Variants in ADGRL3 observed in about 807,000 individuals in gnomAD.
ADGRL3 encodes the protein adhesion G protein-coupled receptor L3, also known as calcium-independent alpha-latrotoxin receptor 3.
Under a neutral mutation model 153.5 loss-of-function variants are expected in ADGRL3, and 62 were observed. The observed-to-expected ratio is 0.40, with a 90% CI of 0.33 to 0.50. The LOEUF is 0.50. Among genes scored for constraint, ADGRL3 ranks in the 20% least tolerant of loss-of-function variants. The probability of loss-of-function intolerance (pLI) is 0.47; values close to 1 mark genes in which losing one functional copy is unlikely to be tolerated. For synonymous variants in ADGRL3, 710 were observed against 672.5 expected, an observed-to-expected ratio of 1.06 and a Z score of -0.86; for missense variants, 1,641 against 1,859.4, an observed-to-expected ratio of 0.88 and a Z score of 2.16.
rs1373201160 is a variant in ADGRL3 at position 61,200,408 on chromosome 4, T to G, written c.-1597T>G. ...CCCGCGCGCCCGCGCTCTGACCCGC[T>G]GTCTGCGCGTCGCCCCCCTCGCCTG... is the stretch of plus-strand genomic sequence containing the variant. On this transcript the variant is annotated 5_prime_UTR_variant, in exon 1 of 27. Coordinates refer to ENST00000683033, the MANE Select transcript of ADGRL3 (RefSeq NM_001387552.1). 1.3e-5 allele frequency among the ~76,000 whole-genome samples: 2 copies of G among 151,640 alleles called. No individual in the cohort carries two copies. The highest frequency in any genetic ancestry group is 4.8e-5 in the African/African-American group (2 of 41,308).
intron 8 of ADGRL3, among the ~76,000 whole-genome samples, chr4:61,764,438 GCA>G (rs1441151474): frequency 0.06 from 8,746 of 145,990 alleles, 769 homozygotes; most frequent in African/African-American, 0.17. Context: ...TGCTCAGTGG[GCA>G]GGAGTGGGGG....
At chr4:61,239,522 C>A (rs1754129032) in intron 1 of ADGRL3, among the ~76,000 whole-genome samples, 1 of 151,966 alleles carries the variant, frequency 6.6e-6, no homozygotes, top group Admixed American at 6.6e-5. Flanking sequence ...CAGGAGACAA[C>A]AAACAGAACA....
At position 61,472,739 on chromosome 4, in the gene ADGRL3, CAAAG is replaced by C. The variant is rs112307386; in HGVS notation, c.-173-24377_-173-24374del. ...GCAGAAGTAATAGAAAGATCTATTT[CAAAG>C]AAAGTCTTGATAAACTTTGGAGAGA... On this transcript the variant is annotated intron_variant, in intron 2 of 26. Transcript: ENST00000683033. Among the ~76,000 whole-genome samples, 63 of 152,092 alleles carry C rather than the reference CAAAG, an allele frequency of 4.1e-4. 1 individual carries two copies. The highest frequency in any genetic ancestry group is 1.5e-3 in the African/African-American group (62 of 41,536).
intron 3 of ADGRL3, among the ~76,000 whole-genome samples, chr4:61,497,660 C>G (rs1176803689): frequency 6.7e-6 from 1 of 149,544 alleles, no homozygotes; most frequent in Non-Finnish European, 1.5e-5. Context: ...GGACTACAGG[C>G]GCCCACCACC....
At chr4:61,269,594 T>G (rs1003487352) in intron 1 of ADGRL3, among the ~76,000 whole-genome samples, 1 of 151,708 alleles carries the variant, frequency 6.6e-6, no homozygotes, top group African/African-American at 2.4e-5. Flanking sequence ...AAAACTCTAT[T>G]TTGCTTTGCA....
Position 61,316,542 on chromosome 4 carries a change from A to C in ADGRL3, c.-239-66582A>C, listed in dbSNP as rs563332814. 4.0e-4 allele frequency among the ~76,000 whole-genome samples: 61 copies of C among 152,352 alleles called. No individual in the cohort carries two copies. The East Asian group carries it at 4.0e-3, about 10-fold the overall frequency. ...TTCTTCTGGTGAATTGTAAGAAGGA[A>C]GAATGACGTATCTTGTTTACACCGT... On this transcript the variant is annotated intron_variant, in intron 1 of 26. Coordinates refer to ENST00000683033, the MANE Select transcript of ADGRL3 (RefSeq NM_001387552.1).
chr4:61,361,463 A>C (rs1157990953), intron 1 of ADGRL3, among the ~76,000 whole-genome samples: 1 of 152,174 alleles, frequency 6.6e-6, no homozygotes. Flanking sequence ...GAGTAAAATG[A>C]AGTACTTTAA....
chr4:61,750,182 T>TA (rs60768535), intron 8 of ADGRL3, among the ~76,000 whole-genome samples: 105 of 94,606 alleles, frequency 1.1e-3, no homozygotes, highest in Non-Finnish European at 1.4e-3. Flanking sequence ...AGGGGATGGT[T>TA]AAAAAAAAAA....
intron 1 of ADGRL3, among the ~76,000 whole-genome samples, chr4:61,280,420 A>AGAC (rs72605847): frequency 6.6e-6 from 1 of 150,960 alleles, no homozygotes; most frequent in Non-Finnish European, 1.5e-5. Flanking sequence ...ATTTTCAAGA[A>AGAC]GTATAAATTA....
At chr4:61,460,470 C>A (rs1275885916) in intron 2 of ADGRL3, among the ~76,000 whole-genome samples, 2 of 151,632 alleles carry the variant, frequency 1.3e-5, no homozygotes, top group Non-Finnish European at 2.9e-5. Flanking sequence ...ATCACATTTT[C>A]ACTGACATGT....
intron 6 of ADGRL3, among the ~76,000 whole-genome samples, chr4:61,700,580 A>G (rs1435368199): frequency 6.6e-6 from 1 of 152,162 alleles, no homozygotes; most frequent in East Asian, 1.9e-4. Flanking sequence ...TGATGGTAAT[A>G]GGAACAAATG....
intron 1 of ADGRL3, among the ~76,000 whole-genome samples, chr4:61,338,213 G>C (rs189581602): frequency 6.6e-6 from 1 of 151,834 alleles, no homozygotes; most frequent in African/African-American, 2.4e-5. Flanking sequence ...AGAAGCTGTA[G>C]TGAGCTGAGA....
At chr4:62,010,797 T>G (rs1010634304) in intron 21 of ADGRL3, among the ~76,000 whole-genome samples, 11 of 152,134 alleles carry the variant, frequency 7.2e-5, no homozygotes, top group Admixed American at 5.9e-4. Context: ...TTTATATCAT[T>G]AAAATATTAG....
intron 5 of ADGRL3, among the ~76,000 whole-genome samples, chr4:61,660,985 A>G (rs921671093): frequency 6.6e-6 from 1 of 152,108 alleles, no homozygotes; most frequent in Non-Finnish European, 1.5e-5. Context: ...TCTTAGATTC[A>G]GTAACCCATC....
intron 1 of ADGRL3, among the ~76,000 whole-genome samples, chr4:61,321,318 G>C (rs114467841): frequency 6.6e-6 from 1 of 151,952 alleles, no homozygotes; most frequent in South Asian, 2.1e-4. Context: ...TAGTCCCAGC[G>C]TTTCCTCTTA....
At chr4:61,322,804 A>C (rs2095387413) in intron 1 of ADGRL3, among the ~76,000 whole-genome samples, 1 of 152,202 alleles carries the variant, frequency 6.6e-6, no homozygotes, top group South Asian at 2.1e-4. Context: ...TTTTCCAGGC[A>C]CACGGTGCAA....
chr4:61,915,508 A>C (rs1331824482), intron 13 of ADGRL3, among the ~76,000 whole-genome samples: 1 of 152,016 alleles, frequency 6.6e-6, no homozygotes, highest in Non-Finnish European at 1.5e-5. Flanking sequence ...TAAACCTATG[A>C]AACACATGGT....
intron 5 of ADGRL3, among the ~76,000 whole-genome samples, chr4:61,628,917 TG>T: frequency 6.6e-6 from 1 of 152,310 alleles, no homozygotes; most frequent in Admixed American, 6.5e-5. Flanking sequence ...AGGATAGTAT[TG>T]GTACCTTCTG....
chr4:62,048,283 G>T (rs1466633879), intron 25 of ADGRL3, among the ~76,000 whole-genome samples: 1 of 151,784 alleles, frequency 6.6e-6, no homozygotes, highest in African/African-American at 2.4e-5. Context: ...TTATTTTTGA[G>T]ACAGAGTCTT....
Sources: allele counts gnomAD v4.1 joint callset (sites outside exome capture counted in the v4.1 genomes callset), GRCh38; gene constraint gnomAD v4.1.1; transcripts MANE v1.5; gene names NCBI Gene and HGNC (gene_info 2026-07-23, HGNC 2026-07-21).